The following KIAA1614 variants were observed in gnomAD, a reference collection of about 807,000 sequenced individuals.
KIAA1614 encodes uncharacterized protein KIAA1614.
A neutral mutation model predicts 88.7 loss-of-function variants in KIAA1614; 76 were observed. The observed-to-expected ratio is 0.86, with a 90% CI of 0.71 to 1.04. The LOEUF is 1.04. Ranked by LOEUF, KIAA1614 falls within the 50% of genes least tolerant of loss-of-function variation. The pLI, the probability that KIAA1614 is intolerant of heterozygous loss-of-function variation, is 0.00. For synonymous variants in KIAA1614, 714 were observed against 675.5 expected (o/e 1.06, Z -0.88); for missense variants, 1,553 against 1,582.5 (o/e 0.98, Z 0.32).
At chr1:180,932,886 C>T (rs1159577362) in intron 4 of KIAA1614, among the ~76,000 whole-genome samples, 6 of 152,064 alleles carry the variant, frequency 3.9e-5, no homozygotes, top group East Asian at 1.9e-4. Context: ...ACTACAGGCA[C>T]GCATCACCAC....
At chr1:180,921,745 G>C (rs1410409579) in intron 3 of KIAA1614, among the ~76,000 whole-genome samples, 1 of 152,186 alleles carries the variant, frequency 6.6e-6, no homozygotes, top group African/African-American at 2.4e-5. Flanking sequence ...CAGGAAATGG[G>C]GTTTGGATTT....
At chr1:180,927,329 G>A (rs543672367) in intron 3 of KIAA1614, among the ~76,000 whole-genome samples, 4 of 152,314 alleles carry the variant, frequency 2.6e-5, no homozygotes, top group Admixed American at 6.5e-5. Flanking sequence ...CCCAAAGAGC[G>A]CATCTGCCCC....
At chr1:180,917,402 C>T (rs1178083289) in intron 2 of KIAA1614, among the ~76,000 whole-genome samples, 4 of 152,104 alleles carry the variant, frequency 2.6e-5, no homozygotes, top group Non-Finnish European at 2.9e-5. Context: ...GATTCCTTTC[C>T]GGAGTGGCTT....
At chr1:180,914,350 G>A (rs1423310309) in intron 1 of KIAA1614, among the ~76,000 whole-genome samples, 2 of 152,230 alleles carry the variant, frequency 1.3e-5, no homozygotes, top group Non-Finnish European at 2.9e-5. Context: ...AAGCCACCTA[G>A]CCTCTGGGGA....
chr1:180,937,818 G>A (rs1018228029), intron 5 of KIAA1614, among the ~76,000 whole-genome samples: 8 of 152,160 alleles, frequency 5.3e-5, no homozygotes, highest in African/African-American at 9.7e-5. Flanking sequence ...GCTGAGTGGC[G>A]ATTTCCTTCT....
chr1:180,950,231 C>A lies in KIAA1614; in HGVS notation c.*4643C>A. 1 of 678,896 alleles carries A rather than the reference C, an allele frequency of 1.5e-6. No homozygotes were observed. Among genetic ancestry groups the A allele is most frequent in the Non-Finnish European group, 2.0e-6 (1 of 503,488 alleles). 42.1% of individuals were successfully genotyped at this position (678,896 alleles called of 1,614,324 possible). ...CACAGAGAAGTGCCTGGTATGAGCA[C>A]CTCCTCCCTGTGCCACACAAACAGC... is the stretch of plus-strand genomic sequence containing the variant. On this transcript the variant is annotated 3_prime_UTR_variant, in exon 9 of 9. Transcript: ENST00000367588.
chr1:180,941,531 C>T (rs1571301279), intron 7 of KIAA1614, among the ~76,000 whole-genome samples: 1 of 152,152 alleles, frequency 6.6e-6, no homozygotes. Flanking sequence ...CTAGGCTACT[C>T]CCTCTTCCTC....
intron 4 of KIAA1614, among the ~76,000 whole-genome samples, chr1:180,931,429 G>A (rs987058603): frequency 2.0e-5 from 3 of 152,198 alleles, no homozygotes; most frequent in African/African-American, 7.2e-5. Flanking sequence ...GGACTGCAGC[G>A]GGATCCTCCC....
At chr1:180,930,397 C>T (rs959108815) in intron 4 of KIAA1614, among the ~76,000 whole-genome samples, 18 of 151,610 alleles carry the variant, frequency 1.2e-4, no homozygotes, top group African/African-American at 3.9e-4. Flanking sequence ...CCAGCCTGGG[C>T]GACAGAGCAA....
Position 180,936,687 on chromosome 1 carries a change from G to C in KIAA1614, c.2761+17G>C. On this transcript the variant is annotated intron_variant, in intron 5 of 8. Coordinates refer to ENST00000367588, the MANE Select transcript of KIAA1614 (RefSeq NM_020950.2). ...GCAGAGATGGTAAGGGGCTGCCGCTGGTTCCTGCCCAGCCCAGGCCTGGTG... is the reference window on the plus strand; with the variant it reads ...GCAGAGATGGTAAGGGGCTGCCGCTCGTTCCTGCCCAGCCCAGGCCTGGTG... 6.9e-7 allele frequency: 1 copy of C among 1,459,836 alleles called. No individual in the cohort carries two copies. The highest frequency in any genetic ancestry group is 9.1e-7 in the Non-Finnish European group (1 of 1,104,234). The allele number at this position is 1,459,836 out of a possible 1,614,324, so 90.4% of individuals were successfully genotyped here.
chr1:180,947,572 G>A lies in KIAA1614; in HGVS notation c.*1984G>A, dbSNP rs956912258. On this transcript the variant is annotated 3_prime_UTR_variant, in exon 9 of 9. Transcript: ENST00000367588. ...GGTCTCTGCCTACTCTGGACCTCAG[G>A]AGGATAAAAAGTCCTTCCTCACAGG... 3.9e-5 allele frequency: 6 copies of A among 152,242 alleles called. No individual in the cohort carries two copies. The highest frequency in any genetic ancestry group is 2.0e-4 in the Admixed American group (3 of 15,288). 9.4% of individuals were successfully genotyped at this position (152,242 alleles called of 1,614,324 possible).
intron 8 of KIAA1614, 25 bp from the exon 9 acceptor site, chr1:180,945,278 C>T: frequency 6.4e-7 from 1 of 1,566,752 alleles, no homozygotes; most frequent in Non-Finnish European, 8.6e-7. Flanking sequence ...TTTTTGCCCT[C>T]ACTGTGTCTC....
In KIAA1614 at chr1:180,944,533, T is replaced by C. The variant is rs199961877; in HGVS notation, c.3287+17T>C. On this transcript the variant is annotated intron_variant, in intron 8 of 8. Coordinates refer to ENST00000367588, the MANE Select transcript of KIAA1614 (RefSeq NM_020950.2). ...AGCTGGCAGGTATGAGGGGCACACA[T>C]GGTTTGGAGGATAAACTCAGAGAGT... 1.9e-6 allele frequency: 3 copies of C among 1,610,672 alleles called. No homozygotes were observed. Among genetic ancestry groups the C allele is most frequent in the Non-Finnish European group, 2.5e-6 (3 of 1,178,210 alleles).
intron 4 of KIAA1614, among the ~76,000 whole-genome samples, chr1:180,931,710 C>A (rs1654201170): frequency 2.0e-5 from 3 of 152,234 alleles, no homozygotes; most frequent in Admixed American, 2.0e-4. Flanking sequence ...TTGCTCAATT[C>A]ACCACCCTGT....
At chr1:180,929,374 C>T (rs1002066583) in intron 4 of KIAA1614, among the ~76,000 whole-genome samples, 11 of 152,094 alleles carry the variant, frequency 7.2e-5, no homozygotes, top group Non-Finnish European at 1.3e-4. Flanking sequence ...GGTGGGGCCT[C>T]AGCCGAGGGG....
intron 1 of KIAA1614, chr1:180,913,868 C>T (rs1251128765): frequency 6.6e-6 from 1 of 152,168 alleles, no homozygotes; most frequent in East Asian, 1.9e-4. Context: ...AAACTTGCTG[C>T]ATTCTAGATT....
At chr1:180,917,750 G>A (rs1336280536) in intron 2 of KIAA1614, 101 bp from the exon 3 acceptor site, 2 of 955,348 alleles carry the variant, frequency 2.1e-6, no homozygotes, top group Non-Finnish European at 3.4e-6. Context: ...TGGGGAGTAA[G>A]TTGCTTCTGG....
Position 180,916,334 on chromosome 1 carries a change from C to T in KIAA1614, c.231C>T (p.Leu77=). The change falls in exon 2 of 9, where the codon CTC becomes CTT. Residue 77 remains leucine (L), a synonymous_variant. Transcript: ENST00000367588. ...PQPPRVWGVQ[L]QGPSVLESKV... ...CTCCCAGGGTATGGGGAGTACAGCT[C>T]CAGGGCCCCTCTGTGCTGGAATCCA... 6.2e-7 allele frequency: 1 copy of T among 1,614,086 alleles called. No individual in the cohort carries two copies. Among genetic ancestry groups the T allele is most frequent in the Non-Finnish European group, 8.5e-7 (1 of 1,180,012 alleles).
chr1:180,917,338 G>A (rs1186124128), intron 2 of KIAA1614, among the ~76,000 whole-genome samples: 4 of 152,154 alleles, frequency 2.6e-5, no homozygotes, highest in African/African-American at 7.2e-5. Context: ...CCAATAGGAG[G>A]CCACCCTGCG....
Sources: gnomAD v4.1 joint callset for allele counts (sites outside exome capture counted in the v4.1 genomes callset) on GRCh38, gnomAD v4.1.1 for gene constraint, MANE v1.5 for transcripts, NCBI Gene and HGNC (gene_info 2026-07-23, HGNC 2026-07-21) for gene names.